Variants in FUT1 observed in about 807,000 individuals in gnomAD.
The protein encoded by FUT1 is fucosyltransferase 1 (H blood group).
For missense variants in FUT1, 476 were observed against 492.7 expected (o/e 0.97, Z 0.32); for synonymous variants, 215 against 208.7 (o/e 1.03, Z -0.26).
At position 48,750,189 on chromosome 19, in the gene FUT1, G is replaced by A. The variant is rs768642019; in HGVS notation, c.1093C>T (p.Pro365Ser). ...DLSPLWTLAK[P>S] is the part of the protein sequence containing the mutation. ...TCAGAAAGTCTCCCTGGCTCTCAAG[G>A]CTTAGCCAATGTCCAGAGTGGAGAC... The change falls in exon 2 of 2, where the codon CCT becomes TCT. Residue 365 changes from proline (P) to serine (S), a missense_variant. Pro to Ser is a moderately conservative substitution (Grantham distance 74). Coordinates refer to ENST00000645652, the MANE Select transcript of FUT1 (RefSeq NM_001384359.1). 9 of 1,608,644 alleles carry A rather than the reference G, an allele frequency of 5.6e-6. No individual in the cohort carries two copies. Among genetic ancestry groups the A allele is most frequent in the East Asian group, 2.2e-5 (1 of 44,768 alleles).
In FUT1 at chr19:48,748,053, C is replaced by T. The variant is rs1380789282; in HGVS notation, c.*2131G>A. ...TAATTCATACCTCCTGCTCTCTCAC[C>T]CGTGGCAGCTGAGTTGGGAACAGTA... is the stretch of plus-strand genomic sequence containing the variant. On this transcript the variant is annotated 3_prime_UTR_variant, in exon 2 of 2. Coordinates refer to ENST00000645652, the MANE Select transcript of FUT1 (RefSeq NM_001384359.1). 2.0e-5 allele frequency: 3 copies of T among 152,180 alleles called. No individual in the cohort carries two copies. The highest frequency in any genetic ancestry group is 1.5e-5 in the Non-Finnish European group (1 of 68,046). 9.4% of individuals were successfully genotyped at this position (152,180 alleles called of 1,614,324 possible).
rs753159303 is a variant in FUT1 at position 48,751,005 on chromosome 19, T to C, written c.277A>G (p.Met93Val). ...VYPNGRFGNQ[M>V]GQYATLLALA... ...GCCAGCAGCGTGGCATACTGTCCCA[T>C]CTGATTACCAAACCGGCCATTGGGG... The change falls in exon 2 of 2, where the codon ATG becomes GTG. Residue 93 changes from methionine to valine, a missense_variant. Physicochemically the swap from Met to Val is conservative, Grantham distance 21. Transcript: ENST00000645652. The C allele has an allele frequency of 1.9e-6, 3 of 1,591,202 alleles. No individual in the cohort carries two copies. The highest frequency in any genetic ancestry group is 1.3e-5 in the African/African-American group (1 of 74,570).
At position 48,751,039 on chromosome 19, in the gene FUT1, C is replaced by G; in HGVS notation, c.243G>C (p.Trp81Cys). The G allele has an allele frequency of 1.9e-6, 3 of 1,596,522 alleles. No homozygotes were observed. Among genetic ancestry groups the G allele is most frequent in the Non-Finnish European group, 2.6e-6 (3 of 1,169,630 alleles). Residue 81 changes from tryptophan (W) to cysteine (C), a missense_variant, in exon 2 of 2, where the codon TGG becomes TGC. Coordinates refer to ENST00000645652, the MANE Select transcript of FUT1 (RefSeq NM_001384359.1). ...CAAACCGGCCATTGGGGTAGACAGTCCAGGTGCCGGAGAGGGAAGCAGGGT... is the reference window on the plus strand; with the variant it reads ...CAAACCGGCCATTGGGGTAGACAGTGCAGGTGCCGGAGAGGGAAGCAGGGT... ...PQHPASLSGT[W>C]TVYPNGRFGN...
chr19:48,751,966 T>C (rs1358307236), intron 1 of FUT1, among the ~76,000 whole-genome samples: 1 of 150,556 alleles, frequency 6.6e-6, no homozygotes, highest in East Asian at 1.9e-4. Flanking sequence ...AAAAAATAAA[T>C]AAAATTAGCT....
chr19:48,752,133 A>T lies in FUT1; in HGVS notation c.-3+357T>A, dbSNP rs1315848763. Among the ~76,000 whole-genome samples the T allele has an allele frequency of 6.7e-6, 1 of 149,334 alleles. No individual in the cohort carries two copies. The highest frequency in any genetic ancestry group is 1.5e-5 in the Non-Finnish European group (1 of 67,238). ...TTAAAAAAAAAAAAAAAAAAAAAAAAAGAAAGTGGTCCAGGTTCCTACACC... is the reference window on the plus strand; with the variant it reads ...TTAAAAAAAAAAAAAAAAAAAAAAATAGAAAGTGGTCCAGGTTCCTACACC... On this transcript the variant is annotated intron_variant, in intron 1 of 1. Transcript: ENST00000645652. The surrounding 1 kb of genome is among the most constrained non-coding windows in gnomAD (Gnocchi z 4.3).
upstream of FUT1, among the ~76,000 whole-genome samples, chr19:48,754,910 C>T (rs899520785): frequency 6.6e-6 from 1 of 152,102 alleles, no homozygotes; most frequent in African/African-American, 2.4e-5. Context: ...TGCTCACACC[C>T]AGCAGTCCAG....
At position 48,751,013 on chromosome 19, in the gene FUT1, C is replaced by A. The variant is rs897829842; in HGVS notation, c.269G>T (p.Gly90Val). The A allele has an allele frequency of 4.4e-6, 7 of 1,589,652 alleles. No individual in the cohort carries two copies. The Admixed American group carries it at 6.8e-5, about 15-fold the overall frequency. The change falls in exon 2 of 2, where the codon GGT (glycine) becomes GTT (valine). Residue 90 changes from glycine to valine, a missense_variant. Gly to Val is a moderately radical substitution (Grantham distance 109). Coordinates refer to ENST00000645652, the MANE Select transcript of FUT1 (RefSeq NM_001384359.1). The part of the protein sequence containing the change: ...TWTVYPNGRF[G>V]NQMGQYATLL... ...CGTGGCATACTGTCCCATCTGATTA[C>A]CAAACCGGCCATTGGGGTAGACAGT...
Position 48,750,497 on chromosome 19 carries a change from C to T in FUT1, c.785G>A (p.Ser262Asn). The T allele has an allele frequency of 6.2e-7, 1 of 1,614,124 alleles. No homozygotes were observed. Among genetic ancestry groups the T allele is most frequent in the Non-Finnish European group, 8.5e-7 (1 of 1,180,040 alleles). The change falls in exon 2 of 2, where the codon AGC becomes AAC. Residue 262 changes from serine (S) to asparagine (N), a missense_variant. Coordinates refer to ENST00000645652, the MANE Select transcript of FUT1 (RefSeq NM_001384359.1). ...RHEAPVFVVTSNGMEWCKENI... is the reference protein window; with the variant it reads ...RHEAPVFVVTNNGMEWCKENI... ...TTCTTTACACCACTCCATGCCGTTG[C>T]TGGTGACCACGAAAACGGGGGCTTC...
At position 48,750,308 on chromosome 19, in the gene FUT1, A is replaced by G. The variant is rs1326196938; in HGVS notation, c.974T>C (p.Leu325Pro). The change falls in exon 2 of 2, where the codon CTG becomes CCG. Residue 325 changes from leucine to proline, a missense_variant. By Grantham distance (98) the Leu-to-Pro change is moderately conservative. Transcript: ENST00000645652. ...AGAGTCTGGCAGGGTGAAGTTGGCC[A>G]GGTAGACAGTGTCTCCGCCAGCCAG... ...AYLAGGDTVY[L>P]ANFTLPDSEF... is the part of the protein sequence containing the mutation. 1.2e-6 allele frequency: 2 copies of G among 1,614,208 alleles called. No homozygotes were observed. The highest frequency in any genetic ancestry group is 2.2e-5 in the South Asian group (2 of 91,090).
chr19:48,751,668 T>C (rs972504102), intron 1 of FUT1, among the ~76,000 whole-genome samples: 7 of 151,882 alleles, frequency 4.6e-5, no homozygotes, highest in Admixed American at 3.3e-4. Context: ...TAGCTTGGCA[T>C]GGGCCAGGCG....
rs953669840 is a variant in FUT1, at chr19:48,751,265, T to C, written c.17A>G (p.His6Arg). 6.2e-7 allele frequency: 1 copy of C among 1,614,006 alleles called. No homozygotes were observed. The highest frequency in any genetic ancestry group is 1.3e-5 in the African/African-American group (1 of 75,010). The change falls in exon 2 of 2, where the codon CAT becomes CGT. Residue 6 changes from histidine to arginine, a missense_variant. Transcript: ENST00000645652. MWLRS[H>R]RQLCLAFLLV... ...CAGGAAGGCCAGGCAGAGCTGACGA[T>C]GGCTCCGGAGCCACATGGCTGCAGG...
Position 48,752,386 on chromosome 19 carries a change from G to C in FUT1, c.-3+104C>G. On this transcript the variant is annotated intron_variant, in intron 1 of 1. Transcript: ENST00000645652. This position sits in a 1 kb window ranked among gnomAD's most constrained non-coding sequence, Gnocchi z 4.3. ...GCTGGGGAGGTGGCGGAGATTCCTA[G>C]GGCCTTAGGAAGACCTGGAGAAGAG... The C allele has an allele frequency of 1.4e-6, 1 of 690,112 alleles. No homozygotes were observed. Among genetic ancestry groups the C allele is most frequent in the Non-Finnish European group, 1.8e-6 (1 of 559,716 alleles). 42.7% of individuals were successfully genotyped at this position (690,112 alleles called of 1,614,324 possible).
chr19:48,750,452 C>T lies in FUT1; in HGVS notation c.830G>A (p.Gly277Asp). The T allele has an allele frequency of 6.2e-7, 1 of 1,614,220 alleles. No homozygotes were observed. Among genetic ancestry groups the T allele is most frequent in the South Asian group, 1.1e-5 (1 of 91,088 alleles). Residue 277 changes from glycine to aspartate, a missense_variant, in exon 2 of 2, where the codon GGC becomes GAC. Physicochemically the swap from Gly to Asp is moderately conservative, Grantham distance 94. Coordinates refer to ENST00000645652, the MANE Select transcript of FUT1 (RefSeq NM_001384359.1). ...WCKENIDTSQ[G>D]DVTFAGDGQE... ...TCCATCGCCAGCAAACGTCACATCG[C>T]CCTGGGAGGTGTCGATGTTTTCTTT... is the stretch of plus-strand genomic sequence containing the variant.
At chr19:48,751,383 C>T in intron 1 of FUT1, 100 bp from the exon 2 acceptor site, 2 of 1,233,968 alleles carry the variant, frequency 1.6e-6, no homozygotes, top group African/African-American at 1.5e-5. Flanking sequence ...TGCAGCACTC[C>T]TTAGTCCCAG....
chr19:48,751,336 G>A (rs1427452650), intron 1 of FUT1, 53 bp from the exon 2 acceptor site: 96 of 1,593,434 alleles, frequency 6.0e-5, no homozygotes, highest in Non-Finnish European at 8.0e-5. Context: ...AGGAGGGGAG[G>A]CTGAGGAGGG....
rs1471322032 is a variant in FUT1, at chr19:48,751,680, G to A, written c.-2-397C>T. ...AATTAGCTTGGCATGGGCCAGGCGC[G>A]GTGGCTCACACCTGTAACCCCAGCA... On this transcript the variant is annotated intron_variant, in intron 1 of 1. Coordinates refer to ENST00000645652, the MANE Select transcript of FUT1 (RefSeq NM_001384359.1). Among the ~76,000 whole-genome samples, 4 of 151,736 alleles carry A rather than the reference G, an allele frequency of 2.6e-5. No homozygotes were observed. The East Asian group carries it at 8.0e-4, about 30-fold the overall frequency.
rs2033964094 is a variant in FUT1 at position 48,749,632 on chromosome 19, A to AG, written c.*551_*552insC. 1 of 151,930 alleles carries AG rather than the reference A, an allele frequency of 6.6e-6. No individual in the cohort carries two copies. The highest frequency in any genetic ancestry group is 1.4e-5 in the Non-Finnish European group (1 of 69,828). 9.4% of individuals were successfully genotyped at this position (151,930 alleles called of 1,614,324 possible). A position where few individuals can be genotyped will look rare whatever the true frequency, so the allele number is the denominator to read the frequency against. ...CTGTCTCCAAAAAAAAAAAAAAAAA[A>AG]CTAAAAAGATTCTTCACCTTAGTTA... On this transcript the variant is annotated 3_prime_UTR_variant, in exon 2 of 2. Transcript: ENST00000645652.
At position 48,750,485 on chromosome 19, in the gene FUT1, T is replaced by G. The variant is rs757131035; in HGVS notation, c.797A>C (p.Glu266Ala). 3 of 1,614,104 alleles carry G rather than the reference T, an allele frequency of 1.9e-6. No individual in the cohort carries two copies. The highest frequency in any genetic ancestry group is 2.5e-6 in the Non-Finnish European group (3 of 1,180,012). The stretch of plus-strand genomic sequence containing the variant: ...GGTGTCGATGTTTTCTTTACACCAC[T>G]CCATGCCGTTGCTGGTGACCACGAA... ...PVFVVTSNGM[E>A]WCKENIDTSQ... The change falls in exon 2 of 2, where the codon GAG (glutamate) becomes GCG (alanine). Residue 266 changes from glutamate to alanine, a missense_variant. Transcript: ENST00000645652.
Position 48,752,109 on chromosome 19 carries a change from TAAAAA to T in FUT1, c.-3+376_-3+380del, listed in dbSNP as rs71179040. Among the ~76,000 whole-genome samples, 686 of 100,148 alleles carry T rather than the reference TAAAAA, an allele frequency of 6.8e-3. 9 individuals carry two copies. The highest frequency in any genetic ancestry group is 0.024 in the African/African-American group (620 of 25,518). The allele number at this position is 100,148 out of a possible 152,430, so 65.7% of individuals were successfully genotyped here. A position where few individuals can be genotyped will look rare whatever the true frequency, so the allele number is the denominator to read the frequency against. ...TGCGCGACAGAGAGGGACCCTGTCT[TAAAAA>T]AAAAAAAAAAAAAAAAAAAAGAAAG... On this transcript the variant is annotated intron_variant, in intron 1 of 1. Coordinates refer to ENST00000645652, the MANE Select transcript of FUT1 (RefSeq NM_001384359.1). This position sits in a 1 kb window ranked among gnomAD's most constrained non-coding sequence, Gnocchi z 4.3.
Sources: allele counts gnomAD v4.1 joint callset (sites outside exome capture counted in the v4.1 genomes callset), GRCh38; gene constraint gnomAD v4.1.1; non-coding constraint Gnocchi (gnomAD v3.1); transcripts MANE v1.5; gene names NCBI Gene and HGNC (gene_info 2026-07-23, HGNC 2026-07-21).